GRIN3A: variants seen among roughly 807,000 people sequenced by gnomAD.
GRIN3A encodes the protein glutamate receptor ionotropic, NMDA 3A.
A neutral mutation model predicts 92.4 loss-of-function variants in GRIN3A; 47 were observed. The ratio of observed to expected loss-of-function variants is 0.51; its 90% CI spans 0.40 to 0.65. The LOEUF (loss-of-function observed/expected upper bound fraction) is 0.65. Among genes scored for constraint, GRIN3A ranks in the 30% least tolerant of loss-of-function variants. The probability of loss-of-function intolerance (pLI) is 0.00; values close to 1 mark genes in which losing one functional copy is unlikely to be tolerated. For synonymous variants in GRIN3A, 527 were observed against 540.6 expected, an observed-to-expected ratio of 0.97 and a Z score of 0.35; for missense variants, 1,324 against 1,393.1, an observed-to-expected ratio of 0.95 and a Z score of 0.79.
chr9:101,709,187 A>G (rs1048752992), intron 1 of GRIN3A, among the ~76,000 whole-genome samples: 7 of 152,216 alleles, frequency 4.6e-5, no homozygotes, highest in Non-Finnish European at 8.8e-5. Flanking sequence ...AAAGGAAGCT[A>G]ATGATAAATA....
intron 1 of GRIN3A, among the ~76,000 whole-genome samples, chr9:101,705,040 T>G (rs1456395547): frequency 2.0e-5 from 3 of 151,642 alleles, no homozygotes; most frequent in Non-Finnish European, 2.9e-5. Flanking sequence ...AAATGCTGGG[T>G]AGAGAAGGGC....
intron 1 of GRIN3A, among the ~76,000 whole-genome samples, chr9:101,698,678 G>T (rs10117054): frequency 0.14 from 21,780 of 152,056 alleles, 1,685 homozygotes; most frequent in Admixed American, 0.19. Context: ...ATTTATTTAT[G>T]TATTTTTGAG....
chr9:101,703,424 A>G (rs574224502), intron 1 of GRIN3A, among the ~76,000 whole-genome samples: 7 of 152,312 alleles, frequency 4.6e-5, no homozygotes, highest in African/African-American at 1.7e-4. Context: ...CCTCCCTGAC[A>G]TTAGCAATCT....
rs147964692 is a variant in GRIN3A at position 101,650,471 on chromosome 9, G to A, written c.2352+19589C>T. Among the ~76,000 whole-genome samples, 10 of 152,126 alleles carry A rather than the reference G, an allele frequency of 6.6e-5. No individual in the cohort carries two copies. The East Asian group carries it at 1.9e-3, about 30-fold the overall frequency. On this transcript the variant is annotated intron_variant, in intron 3 of 8. Transcript: ENST00000361820. Reference sequence around the variant, plus strand: ...CCCGAATGAGTGTGTTGGAGGATAAGACATGTGGAACAGAGCCACATCACC... The same window carrying A: ...CCCGAATGAGTGTGTTGGAGGATAAAACATGTGGAACAGAGCCACATCACC...
At position 101,738,101 on chromosome 9, in the gene GRIN3A, T is replaced by G; in HGVS notation, c.-122A>C. On this transcript the variant is annotated 5_prime_UTR_variant, in exon 1 of 9. Transcript: ENST00000361820. Reference sequence around the variant, plus strand: ...AGCTTCACTCCACTCGGTGAAGCGGTCCCAGGAGCTGGAGCGGTCTCTAGG... The same window carrying G: ...AGCTTCACTCCACTCGGTGAAGCGGGCCCAGGAGCTGGAGCGGTCTCTAGG... The G allele has an allele frequency of 1.2e-6, 1 of 854,710 alleles. No homozygotes were observed. The highest frequency in any genetic ancestry group is 1.7e-5 in the African/African-American group (1 of 59,956). 52.9% of individuals were successfully genotyped at this position (854,710 alleles called of 1,614,324 possible). A position where few individuals can be genotyped will look rare whatever the true frequency, so the allele number is the denominator to read the frequency against.
intron 1 of GRIN3A, among the ~76,000 whole-genome samples, chr9:101,687,521 A>T (rs997538897): frequency 4.6e-5 from 7 of 152,180 alleles, no homozygotes; most frequent in South Asian, 2.1e-4. Context: ...AGTCTCATTT[A>T]TGGCTTCCCA....
At chr9:101,666,389 G>A (rs1158861691) in intron 3 of GRIN3A, among the ~76,000 whole-genome samples, 1 of 151,836 alleles carries the variant, frequency 6.6e-6, no homozygotes, top group African/African-American at 2.4e-5. Flanking sequence ...AACTAACACA[G>A]GAAGGGAAAA....
At chr9:101,720,740 A>G (rs1830001820) in intron 1 of GRIN3A, among the ~76,000 whole-genome samples, 1 of 152,234 alleles carries the variant, frequency 6.6e-6, no homozygotes, top group Non-Finnish European at 1.5e-5. Context: ...TTTTAATATA[A>G]TGATTTATAT....
At chr9:101,725,718 G>T (rs553430904) in intron 1 of GRIN3A, among the ~76,000 whole-genome samples, 34 of 152,294 alleles carry the variant, frequency 2.2e-4, no homozygotes, top group African/African-American at 7.9e-4. Flanking sequence ...TTGTGTTATG[G>T]ATAGTACTAA....
chr9:101,656,464 TCA>T (rs35082034), intron 3 of GRIN3A, among the ~76,000 whole-genome samples: 19,841 of 151,798 alleles, frequency 0.13, 1,575 homozygotes, highest in Admixed American at 0.19. Flanking sequence ...TCCTAGAATG[TCA>T]CAGATTCAAG....
At chr9:101,695,882 G>A (rs1201509594) in intron 1 of GRIN3A, among the ~76,000 whole-genome samples, 3 of 152,104 alleles carry the variant, frequency 2.0e-5, no homozygotes, top group African/African-American at 4.8e-5. Flanking sequence ...AAATGCTGGA[G>A]CTCTCGAGCC....
At chr9:101,658,447 C>T (rs1296801325) in intron 3 of GRIN3A, among the ~76,000 whole-genome samples, 1 of 151,668 alleles carries the variant, frequency 6.6e-6, no homozygotes, top group East Asian at 1.9e-4. Context: ...AAATATATAC[C>T]CATATTCATT....
In GRIN3A at chr9:101,675,143, T is replaced by G. The variant is rs909529961; in HGVS notation, c.1305-4036A>C. 2.6e-5 allele frequency among the ~76,000 whole-genome samples: 4 copies of G among 152,102 alleles called. No homozygotes were observed. The East Asian group carries it at 7.7e-4, about 29-fold the overall frequency. On this transcript the variant is annotated intron_variant, in intron 2 of 8. Transcript: ENST00000361820. The stretch of plus-strand genomic sequence containing the variant: ...ATGAGTGAGAACCTTGTTTAGTGAG[T>G]GTTTAACAAAGTAGTTCAGGTATTC...
chr9:101,710,887 C>A (rs1451364065), intron 1 of GRIN3A, among the ~76,000 whole-genome samples: 4 of 152,166 alleles, frequency 2.6e-5, no homozygotes, highest in African/African-American at 9.7e-5. Context: ...GCAGTCTCCA[C>A]AGCTCTGAGC....
chr9:101,621,634 T>G (rs1392645540), intron 5 of GRIN3A, among the ~76,000 whole-genome samples: 1 of 152,136 alleles, frequency 6.6e-6, no homozygotes, highest in Non-Finnish European at 1.5e-5. Flanking sequence ...TGCAAGACAC[T>G]AAGTCTCAGG....
chr9:101,639,841 G>T (rs796299813), intron 3 of GRIN3A, among the ~76,000 whole-genome samples: 2 of 152,140 alleles, frequency 1.3e-5, no homozygotes, highest in East Asian at 3.9e-4. Context: ...AGCCTCACAG[G>T]CTCCTAAAAG....
At chr9:101,621,412 G>A (rs1308018112) in intron 5 of GRIN3A, among the ~76,000 whole-genome samples, 2 of 152,000 alleles carry the variant, frequency 1.3e-5, no homozygotes, top group African/African-American at 4.8e-5. Context: ...ACTGAGTTAT[G>A]TTTTTGGGGT....
chr9:101,737,586 C>A lies in GRIN3A; in HGVS notation c.394G>T (p.Val132Leu), dbSNP rs1280553730. 1 of 1,613,956 alleles carries A rather than the reference C, an allele frequency of 6.2e-7. No homozygotes were observed. Among genetic ancestry groups the A allele is most frequent in the Admixed American group, 1.7e-5 (1 of 60,012 alleles). ...LWPRDALLFA[V>L]DNLNRVEGLL... ...CCTTCCACGCGGTTCAGGTTGTCCA[C>A]GGCAAATAGGAGGGCGTCCCGTGGC... The change falls in exon 1 of 9, where the codon GTG becomes TTG. Residue 132 changes from valine (V) to leucine (L), a missense_variant. Transcript: ENST00000361820.
At chr9:101,618,908 A>G (rs532617649) in intron 5 of GRIN3A, among the ~76,000 whole-genome samples, 13 of 152,292 alleles carry the variant, frequency 8.5e-5, no homozygotes, top group African/African-American at 2.6e-4. Context: ...CAATAAAGAC[A>G]GGGTTGACTA....
Sources: gnomAD v4.1 joint callset for allele counts (sites outside exome capture counted in the v4.1 genomes callset) on GRCh38, gnomAD v4.1.1 for gene constraint, MANE v1.5 for transcripts, NCBI Gene and HGNC (gene_info 2026-07-23, HGNC 2026-07-21) for gene names.